B3GALT1: variants seen among roughly 807,000 people sequenced by gnomAD.
The protein encoded by B3GALT1 is beta-1,3-galactosyltransferase 1.
A neutral mutation model predicts 23.2 loss-of-function variants in B3GALT1; 10 were observed. The ratio of observed to expected loss-of-function variants is 0.43; its 90% CI spans 0.27 to 0.73. The LOEUF (loss-of-function observed/expected upper bound fraction) is 0.73. B3GALT1 is among the 30% of genes least tolerant of loss of function. B3GALT1 has a pLI of 0.21. For missense variants in B3GALT1, 299 were observed against 405.4 expected, an observed-to-expected ratio of 0.74 and a Z score of 2.25; for synonymous variants, 156 against 141.5, an observed-to-expected ratio of 1.10 and a Z score of -0.73.
intron 3 of B3GALT1, among the ~76,000 whole-genome samples, chr2:167,671,705 A>G (rs1330030549): frequency 2.0e-5 from 3 of 152,098 alleles, no homozygotes; most frequent in African/African-American, 4.8e-5. Context: ...GATCTCAAAT[A>G]AACAACTTTA....
At chr2:167,328,770 A>C (rs928801731) in intron 1 of B3GALT1, among the ~76,000 whole-genome samples, 1 of 151,634 alleles carries the variant, frequency 6.6e-6, no homozygotes, top group Non-Finnish European at 1.5e-5. Context: ...TTGTTTTTCT[A>C]GTCCTTTGAG....
At chr2:167,402,299 T>A (rs1290850829) in intron 1 of B3GALT1, among the ~76,000 whole-genome samples, 1 of 152,100 alleles carries the variant, frequency 6.6e-6, no homozygotes, top group Non-Finnish European at 1.5e-5. Context: ...AGAGTAATAT[T>A]TCTAATAAAA....
At chr2:167,646,885 AT>A (rs913569062) in intron 2 of B3GALT1, among the ~76,000 whole-genome samples, 23 bp from the exon 3 acceptor site, 11 of 151,910 alleles carry the variant, frequency 7.2e-5, no homozygotes, top group Non-Finnish European at 1.5e-4. Context: ...ATCTAAATGT[AT>A]TTTTTTTCTT....
At position 167,871,194 on chromosome 2, in the gene B3GALT1, G is replaced by C. The variant is rs1690339851; in HGVS notation, c.*1174G>C. The C allele has an allele frequency of 6.6e-6, 1 of 152,094 alleles. No individual in the cohort carries two copies. Among genetic ancestry groups the C allele is most frequent in the Admixed American group, 6.5e-5 (1 of 15,276 alleles). The allele number at this position is 152,094 out of a possible 1,614,324, so 9.4% of individuals were successfully genotyped here. On this transcript the variant is annotated 3_prime_UTR_variant, in exon 5 of 5. Transcript: ENST00000392690. ...CCATACTTATTGGGCCATATGAGTA[G>C]GCATCGTAATCTTGTGCTTCAATGT...
intron 1 of B3GALT1, among the ~76,000 whole-genome samples, chr2:167,373,999 A>C (rs1217603114): frequency 6.6e-6 from 1 of 152,104 alleles, no homozygotes; most frequent in East Asian, 1.9e-4. Context: ...TTAGTTTTTC[A>C]ACACTTGACT....
At chr2:167,715,398 T>G (rs1239523855) in intron 3 of B3GALT1, 1 of 1,612,912 alleles carries the variant, frequency 6.2e-7, no homozygotes, top group Admixed American at 1.7e-5. Flanking sequence ...AAAAGCTGTT[T>G]CTGGCTTTCC....
chr2:167,395,049 G>C (rs1165638096), intron 1 of B3GALT1, among the ~76,000 whole-genome samples: 1 of 152,098 alleles, frequency 6.6e-6, no homozygotes, highest in Non-Finnish European at 1.5e-5. Context: ...GATGACATTT[G>C]GGACTTTTGA....
At chr2:167,831,092 T>C (rs1044527000) in intron 4 of B3GALT1, among the ~76,000 whole-genome samples, 3 of 152,240 alleles carry the variant, frequency 2.0e-5, no homozygotes, top group Non-Finnish European at 4.4e-5. Context: ...CAAAGCCAAG[T>C]ATTCATCAAC....
At chr2:167,446,955 C>T (rs529400526) in intron 1 of B3GALT1, among the ~76,000 whole-genome samples, 1 of 152,308 alleles carries the variant, frequency 6.6e-6, no homozygotes, top group East Asian at 1.9e-4. Flanking sequence ...TTAGAATTTT[C>T]AGCTTTTGTG....
At chr2:167,672,538 A>G (rs1686350471) in intron 3 of B3GALT1, among the ~76,000 whole-genome samples, 2 of 152,272 alleles carry the variant, frequency 1.3e-5, no homozygotes, top group South Asian at 2.1e-4. Context: ...AACCTGATAC[A>G]GTGATTAAGA....
At chr2:167,616,956 A>G (rs1288497123) in intron 2 of B3GALT1, among the ~76,000 whole-genome samples, 1 of 152,130 alleles carries the variant, frequency 6.6e-6, no homozygotes, top group Non-Finnish European at 1.5e-5. Context: ...TCAGTTAGCA[A>G]TGCTTTTGGC....
chr2:167,480,659 T>C (rs1225568298), intron 1 of B3GALT1, among the ~76,000 whole-genome samples: 3 of 152,206 alleles, frequency 2.0e-5, no homozygotes, highest in Non-Finnish European at 4.4e-5. Flanking sequence ...TCTTAGGCCT[T>C]CTCTTTACCC....
At chr2:167,645,858 A>G (rs896237784) in intron 2 of B3GALT1, among the ~76,000 whole-genome samples, 5 of 152,048 alleles carry the variant, frequency 3.3e-5, no homozygotes, top group Non-Finnish European at 7.4e-5. Context: ...GGTGTAAGCC[A>G]CCACACCCGG....
chr2:167,456,189 G>T (rs1330955291), intron 1 of B3GALT1, among the ~76,000 whole-genome samples: 1 of 152,176 alleles, frequency 6.6e-6, no homozygotes, highest in Non-Finnish European at 1.5e-5. Context: ...AATCATGGTG[G>T]AAGGCAAAGG....
intron 2 of B3GALT1, among the ~76,000 whole-genome samples, chr2:167,513,331 G>A (rs1482358099): frequency 1.3e-5 from 2 of 152,216 alleles, no homozygotes; most frequent in African/African-American, 2.4e-5. Context: ...TACTTTTTAC[G>A]ATCTTTGTAA....
intron 3 of B3GALT1, among the ~76,000 whole-genome samples, chr2:167,769,720 A>G (rs35078069): frequency 0.14 from 21,820 of 152,110 alleles, 1,794 homozygotes; most frequent in East Asian, 0.35. Context: ...AGATTAACCC[A>G]TATTCTTGCT....
chr2:167,468,438 A>G (rs1331049920), intron 1 of B3GALT1, among the ~76,000 whole-genome samples: 1 of 152,226 alleles, frequency 6.6e-6, no homozygotes, highest in African/African-American at 2.4e-5. Flanking sequence ...TTACAAAATA[A>G]AAGAAGAAAT....
chr2:167,478,703 C>A (rs1433585886), intron 1 of B3GALT1, among the ~76,000 whole-genome samples: 1 of 151,874 alleles, frequency 6.6e-6, no homozygotes, highest in African/African-American at 2.4e-5. Context: ...TCTCCTAATG[C>A]TATTCGTCCC....
intron 1 of B3GALT1, among the ~76,000 whole-genome samples, chr2:167,444,813 C>A (rs1338260456): frequency 2.6e-5 from 4 of 152,204 alleles, no homozygotes; most frequent in Non-Finnish European, 4.4e-5. Context: ...TTTGAAAAAA[C>A]CAGCTCCTGG....
Sources: gnomAD v4.1 joint callset for allele counts (sites outside exome capture counted in the v4.1 genomes callset) on GRCh38, gnomAD v4.1.1 for gene constraint, MANE v1.5 for transcripts, NCBI Gene and HGNC (gene_info 2026-07-23, HGNC 2026-07-21) for gene names.